The following PDE10A variants were observed in gnomAD, a reference collection of about 807,000 sequenced individuals.
The protein encoded by PDE10A is cAMP and cAMP-inhibited cGMP 3',5'-cyclic phosphodiesterase 10A.
PDE10A carries 39 observed loss-of-function variants against 97.7 expected under a neutral mutation model. That is an observed-to-expected ratio of 0.40 (90% CI 0.31 to 0.52). PDE10A has a LOEUF of 0.52. Ranked by LOEUF, PDE10A falls within the 20% of genes least tolerant of loss-of-function variation. The pLI is 0.56. For missense variants in PDE10A, 731 were observed against 1,047.8 expected, an observed-to-expected ratio of 0.70 and a Z score of 4.17; for synonymous variants, 371 against 376.8, an observed-to-expected ratio of 0.98 and a Z score of 0.18.
At chr6:165,518,134 G>T (rs528684929) in intron 2 of PDE10A, among the ~76,000 whole-genome samples, 1 of 152,150 alleles carries the variant, frequency 6.6e-6, no homozygotes, top group African/African-American at 2.4e-5. Context: ...AGAAAACACT[G>T]ACTTCTAAAA....
At chr6:165,811,259 G>GCACTTCCTAGAA (rs1779276718) in intron 1 of PDE10A, among the ~76,000 whole-genome samples, 1 of 152,066 alleles carries the variant, frequency 6.6e-6, no homozygotes, top group South Asian at 2.1e-4. Flanking sequence ...CACAAAAAAA[G>GCACTTCCTAGAA]CACTTCCTAG....
At chr6:165,820,540 A>T (rs1421517744) in intron 1 of PDE10A, among the ~76,000 whole-genome samples, 1 of 152,238 alleles carries the variant, frequency 6.6e-6, no homozygotes, top group Non-Finnish European at 1.5e-5. Flanking sequence ...AGGTGAAGAC[A>T]ATTCCTGTGG....
intron 1 of PDE10A, among the ~76,000 whole-genome samples, chr6:165,709,580 AC>A (rs1791838661): frequency 5.2e-5 from 1 of 19,182 alleles, no homozygotes; most frequent in Non-Finnish European, 9.6e-5. Context: ...GCTATCCCCC[AC>A]ACTCTCCACC....
At chr6:165,896,212 A>G (rs1781943813) in intron 1 of PDE10A, among the ~76,000 whole-genome samples, 1 of 152,128 alleles carries the variant, frequency 6.6e-6, no homozygotes, top group Non-Finnish European at 1.5e-5. Flanking sequence ...ACTCTGTCGA[A>G]GCCGTTTCAC....
intron 1 of PDE10A, among the ~76,000 whole-genome samples, chr6:165,637,686 A>G (rs1422476794): frequency 6.6e-6 from 1 of 152,148 alleles, no homozygotes; most frequent in Non-Finnish European, 1.5e-5. Context: ...TCATCCAAGG[A>G]TCGGAAAAAG....
chr6:165,833,708 C>T (rs1351471019), intron 1 of PDE10A, among the ~76,000 whole-genome samples: 1 of 152,230 alleles, frequency 6.6e-6, no homozygotes, highest in Non-Finnish European at 1.5e-5. Context: ...ATGTTCTTGT[C>T]CCATTTGATC....
chr6:165,706,545 AGCCTG>A (rs1362057420), intron 1 of PDE10A, among the ~76,000 whole-genome samples: 1 of 152,182 alleles, frequency 6.6e-6, no homozygotes, highest in African/African-American at 2.4e-5. Context: ...CTTCCTCCCT[AGCCTG>A]CCAATACTAT....
intron 2 of PDE10A, among the ~76,000 whole-genome samples, chr6:165,535,998 A>G (rs2128318060): frequency 6.6e-6 from 1 of 152,152 alleles, no homozygotes; most frequent in African/African-American, 2.4e-5. Context: ...CAAAAGACCC[A>G]TAAAAGTCAA....
rs1183467649 is a variant in PDE10A at position 165,660,637 on chromosome 6, G to A, written c.865+1310C>T. On this transcript the variant is annotated intron_variant, in intron 1 of 21. Transcript: ENST00000539869. ...CGGAGCAGCTTCGGCCGCAGGGAGG[G>A]GCTCAACCTCGGGTGCCCTGGAGAC... The A allele has an allele frequency of 2.0e-5, 3 of 152,616 alleles. No homozygotes were observed. In the East Asian group the frequency reaches 5.8e-4, roughly 29 times the overall value. 9.5% of individuals were successfully genotyped at this position (152,616 alleles called of 1,614,324 possible). A position where few individuals can be genotyped will look rare whatever the true frequency, so the allele number is the denominator to read the frequency against.
At chr6:165,866,835 C>A (rs1478141826) in intron 1 of PDE10A, among the ~76,000 whole-genome samples, 4 of 151,378 alleles carry the variant, frequency 2.6e-5, no homozygotes, top group African/African-American at 9.7e-5. Context: ...AATGCTATAC[C>A]CACCAAAGCT....
chr6:165,627,860 A>G (rs999345501), intron 1 of PDE10A, among the ~76,000 whole-genome samples: 1 of 152,208 alleles, frequency 6.6e-6, no homozygotes, highest in Non-Finnish European at 1.5e-5. Flanking sequence ...ATCTGAATGA[A>G]ATCTGAGAAG....
At position 165,972,342 on chromosome 6, in the gene PDE10A, C is replaced by T. The variant is rs115009157; in HGVS notation, c.-615+15187G>A. ...GGATTCTGCCCCTGGGTCCTCCACA[C>T]TCTCTCTGCTGGCCACGGGCACCCA... On this transcript the variant is annotated intron_variant, in intron 1 of 19. Transcript: ENST00000366882. 8.9e-3 allele frequency among the ~76,000 whole-genome samples: 1,358 copies of T among 152,080 alleles called. 21 individuals are homozygous for T. The highest frequency in any genetic ancestry group is 0.031 in the African/African-American group (1,278 of 41,482).
chr6:165,470,117 G>A (rs1251721637), intron 3 of PDE10A, among the ~76,000 whole-genome samples: 1 of 152,192 alleles, frequency 6.6e-6, no homozygotes, highest in East Asian at 1.9e-4. Flanking sequence ...TCACGGATCT[G>A]CTGGTGAGGG....
chr6:165,341,944 G>T (rs182649954), intron 19 of PDE10A, among the ~76,000 whole-genome samples: 1 of 152,176 alleles, frequency 6.6e-6, no homozygotes, highest in Admixed American at 6.5e-5. Context: ...TGAGCTCACC[G>T]TAACAGCAAA....
chr6:165,789,832 A>G (rs1778600440), intron 1 of PDE10A, among the ~76,000 whole-genome samples: 1 of 152,188 alleles, frequency 6.6e-6, no homozygotes, highest in African/African-American at 2.4e-5. Flanking sequence ...CATATATGGA[A>G]AAAATATATA....
At chr6:165,508,165 C>T (rs1344341515) in intron 2 of PDE10A, among the ~76,000 whole-genome samples, 1 of 152,034 alleles carries the variant, frequency 6.6e-6, no homozygotes, top group African/African-American at 2.4e-5. Flanking sequence ...ACCACTGACA[C>T]AACTGAAAAA....
chr6:165,696,027 C>T (rs931226845), intron 1 of PDE10A, among the ~76,000 whole-genome samples: 3 of 152,016 alleles, frequency 2.0e-5, no homozygotes, highest in African/African-American at 7.3e-5. Flanking sequence ...ACTAATGTCA[C>T]CCCAGGGTAA....
intron 3 of PDE10A, among the ~76,000 whole-genome samples, chr6:165,460,702 T>C (rs1204488183): frequency 6.6e-6 from 1 of 152,204 alleles, no homozygotes; most frequent in Non-Finnish European, 1.5e-5. Flanking sequence ...ATGGACAACC[T>C]GGGACTATTC....
intron 1 of PDE10A, among the ~76,000 whole-genome samples, chr6:165,652,492 GC>G: frequency 6.6e-6 from 1 of 152,186 alleles, no homozygotes; most frequent in Non-Finnish European, 1.5e-5. Flanking sequence ...CAGCCTTCAA[GC>G]CCTTTTGGAT....
Sources: allele counts gnomAD v4.1 joint callset (sites outside exome capture counted in the v4.1 genomes callset), GRCh38; gene constraint gnomAD v4.1.1; transcripts MANE v1.5; gene names NCBI Gene and HGNC (gene_info 2026-07-23, HGNC 2026-07-21).